Variants in PIK3C2G observed in about 807,000 individuals in gnomAD.
PIK3C2G encodes the protein phosphatidylinositol-4-phosphate 3-kinase catalytic subunit type 2 gamma, also known as phosphatidylinositol 3-kinase C2 domain-containing subunit gamma.
PIK3C2G carries 168 observed loss-of-function variants against 181.1 expected under a neutral mutation model. The observed-to-expected ratio is 0.93, with a 90% CI of 0.82 to 1.05. The LOEUF is 1.05. PIK3C2G is among the 50% of genes least tolerant of loss of function. The pLI, the probability that PIK3C2G is intolerant of heterozygous loss-of-function variation, is 0.00. For synonymous variants in PIK3C2G, 573 were observed against 592.2 expected (o/e 0.97, Z 0.47); for missense variants, 1,869 against 1,732.8 (o/e 1.08, Z -1.40).
Position 18,449,608 on chromosome 12 carries a change from T to C in PIK3C2G, c.2504+25569T>C, listed in dbSNP as rs1413888589. ...GAATGATGGTTTCCAGCTTCGTCCATGTTCCTGCAAAGGACATGAATTCAT... is the reference window on the plus strand; with the variant it reads ...GAATGATGGTTTCCAGCTTCGTCCACGTTCCTGCAAAGGACATGAATTCAT... On this transcript the variant is annotated intron_variant, in intron 18 of 32. Transcript: ENST00000538779. Among the ~76,000 whole-genome samples the C allele has an allele frequency of 5.3e-5, 8 of 152,304 alleles. No individual in the cohort carries two copies. In the East Asian group the frequency reaches 1.5e-3, roughly 29 times the overall value.
intron 24 of PIK3C2G, among the ~76,000 whole-genome samples, chr12:18,531,055 A>G (rs1943527857): frequency 6.6e-6 from 1 of 152,162 alleles, no homozygotes; most frequent in African/African-American, 2.4e-5. Context: ...TCCTCAAAGT[A>G]TCTTCTTCAC....
intron 32 of PIK3C2G, among the ~76,000 whole-genome samples, chr12:18,643,132 T>A (rs1187969708): frequency 6.6e-6 from 1 of 152,126 alleles, no homozygotes. Context: ...TTTCAAGCTT[T>A]ATGTATTATA....
chr12:18,683,103 TA>T, the PIK3C2G span: 1 of 775,442 alleles, frequency 1.3e-6, no homozygotes, highest in Non-Finnish European at 2.1e-6. Flanking sequence ...TGTATATTTT[TA>T]AGTGAATGGG....
At chr12:18,664,965 C>T in the PIK3C2G span, among the ~76,000 whole-genome samples, 1 of 130,190 alleles carries the variant, frequency 7.7e-6, no homozygotes, top group African/African-American at 3.0e-5. Flanking sequence ...AATGAGGACA[C>T]ATGGACACAG....
At chr12:18,534,949 G>C (rs559466089) in intron 24 of PIK3C2G, among the ~76,000 whole-genome samples, 1 of 151,830 alleles carries the variant, frequency 6.6e-6, no homozygotes. Context: ...AATATCTATA[G>C]TTTATTTTTA....
chr12:18,312,328 G>T (rs995094554), intron 5 of PIK3C2G, among the ~76,000 whole-genome samples: 6 of 152,180 alleles, frequency 3.9e-5, no homozygotes, highest in African/African-American at 1.4e-4. Flanking sequence ...GCACGCAGTA[G>T]CCATGTATGA....
At chr12:18,690,705 A>T in the PIK3C2G span, among the ~76,000 whole-genome samples, 1 of 152,206 alleles carries the variant, frequency 6.6e-6, no homozygotes, top group South Asian at 2.1e-4. Context: ...TTTCAAAAAG[A>T]CATGATTCCT....
chr12:18,654,820 C>T, the PIK3C2G span, among the ~76,000 whole-genome samples: 1 of 152,064 alleles, frequency 6.6e-6, no homozygotes, highest in Non-Finnish European at 1.5e-5. Context: ...AACTCACCGA[C>T]TTCATCTCTC....
At chr12:18,533,941 C>CTTT (rs542327503) in intron 24 of PIK3C2G, among the ~76,000 whole-genome samples, 109 of 91,488 alleles carry the variant, frequency 1.2e-3, no homozygotes, top group Non-Finnish European at 1.5e-3. Context: ...CCTGCTATTT[C>CTTT]TTTTTTTTTT....
chr12:18,318,235 T>C (rs550596478), intron 6 of PIK3C2G, among the ~76,000 whole-genome samples: 7 of 152,318 alleles, frequency 4.6e-5, no homozygotes, highest in Non-Finnish European at 1.0e-4. Flanking sequence ...TTAGTCTTAA[T>C]TGAAATTTCT....
chr12:18,273,789 C>T lies in PIK3C2G; in HGVS notation c.-78-8215C>T, dbSNP rs531888347. 1.6e-3 allele frequency among the ~76,000 whole-genome samples: 246 copies of T among 152,064 alleles called. 1 individual carries two copies. Among genetic ancestry groups the T allele is most frequent in the African/African-American group, 5.6e-3 (231 of 41,486 alleles). Reference sequence around the variant, plus strand: ...ACACCAAAAGCAATGGCAACAAAAGCCAAAATTGAAAAATGGGATCTAATT... The same window carrying T: ...ACACCAAAAGCAATGGCAACAAAAGTCAAAATTGAAAAATGGGATCTAATT... On this transcript the variant is annotated intron_variant, in intron 1 of 32. Coordinates refer to ENST00000538779, the MANE Select transcript of PIK3C2G (RefSeq NM_001288772.2).
chr12:18,715,592 G>C, the PIK3C2G span: 1 of 152,030 alleles, frequency 6.6e-6, no homozygotes, highest in African/African-American at 2.4e-5. Context: ...AGTAGAAACG[G>C]GGTTTCACTG....
rs34711642 is a variant in PIK3C2G at position 18,325,706 on chromosome 12, C to CAAAAAAAAAAAAA, written c.1272+614_1272+626dup. Among the ~76,000 whole-genome samples, 243 of 61,568 alleles carry CAAAAAAAAAAAAA rather than the reference C, an allele frequency of 3.9e-3. 3 individuals carry two copies. Among genetic ancestry groups the CAAAAAAAAAAAAA allele is most frequent in the African/African-American group, 0.013 (233 of 18,088 alleles). The allele number at this position is 61,568 out of a possible 152,430, so 40.4% of individuals were successfully genotyped here. A position where few individuals can be genotyped will look rare whatever the true frequency, so the allele number is the denominator to read the frequency against. On this transcript the variant is annotated intron_variant, in intron 8 of 32. Coordinates refer to ENST00000538779, the MANE Select transcript of PIK3C2G (RefSeq NM_001288772.2). ...CTGGTGACAGAGCAAGACTCAGTCT[C>CAAAAAAAAAAAAA]AAAAAAAAAAAAAAAAAAGAGAGAG...
chr12:18,579,615 C>A (rs1262304538), intron 29 of PIK3C2G, among the ~76,000 whole-genome samples: 1 of 152,116 alleles, frequency 6.6e-6, no homozygotes, highest in East Asian at 1.9e-4. Flanking sequence ...TATCCTAATA[C>A]CTCTTCTGAT....
At chr12:18,398,430 CT>C (rs1944025695) in intron 15 of PIK3C2G, among the ~76,000 whole-genome samples, 1 of 152,064 alleles carries the variant, frequency 6.6e-6, no homozygotes, top group African/African-American at 2.4e-5. Flanking sequence ...CCAGTCTTTT[CT>C]TTTTACAGAT....
At chr12:18,440,375 T>C (rs981133141) in intron 18 of PIK3C2G, among the ~76,000 whole-genome samples, 21 of 152,038 alleles carry the variant, frequency 1.4e-4, no homozygotes, top group Non-Finnish European at 2.9e-4. Flanking sequence ...TATGTAGCTT[T>C]TAAGAGAAAT....
At chr12:18,396,940 A>C (rs1339633554) in intron 15 of PIK3C2G, among the ~76,000 whole-genome samples, 1 of 151,846 alleles carries the variant, frequency 6.6e-6, no homozygotes, top group African/African-American at 2.4e-5. Context: ...ATTTATGTGG[A>C]ATGCAAAAGA....
At chr12:18,256,150 C>A (rs1385741303) in intron 1 of PIK3C2G, among the ~76,000 whole-genome samples, 1 of 152,112 alleles carries the variant, frequency 6.6e-6, no homozygotes, top group Non-Finnish European at 1.5e-5. Context: ...AGAAAATATT[C>A]TCTCTTTGGA....
the PIK3C2G span, among the ~76,000 whole-genome samples, chr12:18,658,320 G>T: frequency 6.6e-6 from 1 of 152,134 alleles, no homozygotes; most frequent in Non-Finnish European, 1.5e-5. Flanking sequence ...TTCACTTGAT[G>T]AATTACATCC....
Sources: allele counts gnomAD v4.1 joint callset (sites outside exome capture counted in the v4.1 genomes callset), GRCh38; gene constraint gnomAD v4.1.1; transcripts MANE v1.5; gene names NCBI Gene and HGNC (gene_info 2026-07-23, HGNC 2026-07-21).